Variants in FLNC observed in about 807,000 individuals in gnomAD.
The protein encoded by FLNC is filamin C.
A neutral mutation model predicts 254.3 loss-of-function variants in FLNC; 91 were observed. The ratio of observed to expected loss-of-function variants is 0.36; its 90% CI spans 0.30 to 0.43. FLNC has a LOEUF of 0.43. Among genes scored for constraint, FLNC ranks in the 20% least tolerant of loss-of-function variants. The pLI, the probability that FLNC is intolerant of heterozygous loss-of-function variation, is 1.00. For synonymous variants in FLNC, 1,430 were observed against 1,577.2 expected (o/e 0.91, Z 2.21); for missense variants, 2,853 against 3,802.6 (o/e 0.75, Z 6.57).
At position 128,835,178 on chromosome 7, in the gene FLNC, C is replaced by A; in HGVS notation, c.353-148C>A. ...TAAAGAACTTGGCATCTGAGTGGGGCCTCGCAGGAGGGAGAGGGTCAGGTA... is the reference window on the plus strand; with the variant it reads ...TAAAGAACTTGGCATCTGAGTGGGGACTCGCAGGAGGGAGAGGGTCAGGTA... On this transcript the variant is annotated intron_variant, in intron 1 of 47. Transcript: ENST00000325888. This position sits in a 1 kb window ranked among gnomAD's most constrained non-coding sequence, Gnocchi z 5.3. 1.0e-6 allele frequency: 1 copy of A among 989,216 alleles called. No individual in the cohort carries two copies. The highest frequency in any genetic ancestry group is 1.5e-6 in the Non-Finnish European group (1 of 648,854). 61.3% of individuals were successfully genotyped at this position (989,216 alleles called of 1,614,324 possible).
In FLNC at chr7:128,854,039, A is replaced by C; in HGVS notation, c.6550A>C (p.Thr2184Pro). 6.2e-7 allele frequency: 1 copy of C among 1,613,282 alleles called. No individual in the cohort carries two copies. The highest frequency in any genetic ancestry group is 1.3e-5 in the African/African-American group (1 of 75,058). Residue 2184 changes from threonine (T) to proline (P), a missense_variant, in exon 40 of 48, where the codon ACC (threonine) becomes CCC (proline). This residue lies in a region of FLNC where 551 missense variants were observed against 835.0 expected (regional missense o/e 0.66). Transcript: ENST00000325888. Reference sequence around the variant, plus strand: ...ACGCACCTTCACACGCAGCAGCCACACCTACACCCGCACGGAGCGCACGGA... The same window carrying C: ...ACGCACCTTCACACGCAGCAGCCACCCCTACACCCGCACGGAGCGCACGGA... ...LTRTFTRSSH[T>P]YTRTERTEIS...
At chr7:128,837,113 G>A (rs756511961) in intron 2 of FLNC, 47 bp from the exon 3 acceptor site, 2 of 1,318,158 alleles carry the variant, frequency 1.5e-6, no homozygotes, top group East Asian at 4.9e-5. Context: ...CTGCATCCTG[G>A]CCGGCTGGCT....
At position 128,846,369 on chromosome 7, in the gene FLNC, A is replaced by G. The variant is rs1419469574; in HGVS notation, c.4033A>G (p.Thr1345Ala). The G allele has an allele frequency of 6.2e-7, 1 of 1,612,838 alleles. No individual in the cohort carries two copies. The highest frequency in any genetic ancestry group is 8.5e-7 in the Non-Finnish European group (1 of 1,180,010). The stretch of plus-strand genomic sequence containing the variant: ...CAAGAGCCCCTTCCGAGTGGGCGTG[A>G]CCGAGGGCTGTGATCCCACCCGCGT... ...VPKSPFRVGV[T>A]EGCDPTRVRA... The change falls in exon 23 of 48, where the codon ACC (threonine) becomes GCC (alanine). Residue 1345 changes from threonine (T) to alanine (A), a missense_variant. By Grantham distance (58) the Thr-to-Ala change is moderately conservative. Around this residue, in one of 10 missense-constraint regions of FLNC, gnomAD observed 1,573 missense variants for 1,883.5 expected, o/e 0.84. Coordinates refer to ENST00000325888, the MANE Select transcript of FLNC (RefSeq NM_001458.5).
At chr7:128,839,019 C>T (rs1395049485) in intron 8 of FLNC, among the ~76,000 whole-genome samples, 1 of 152,128 alleles carries the variant, frequency 6.6e-6, no homozygotes, top group African/African-American at 2.4e-5. Flanking sequence ...GCGGAAGTGA[C>T]GGGGCTGTAT....
Position 128,836,754 on chromosome 7 carries a change from GA to G in FLNC, c.602-405del, listed in dbSNP as rs1296371518. Among the ~76,000 whole-genome samples, 4 of 152,190 alleles carry G rather than the reference GA, an allele frequency of 2.6e-5. No individual in the cohort carries two copies. Among genetic ancestry groups the G allele is most frequent in the Non-Finnish European group, 5.9e-5 (4 of 68,036 alleles). On this transcript the variant is annotated intron_variant, in intron 2 of 47. Coordinates refer to ENST00000325888, the MANE Select transcript of FLNC (RefSeq NM_001458.5). This position sits in a 1 kb window ranked among gnomAD's most constrained non-coding sequence, Gnocchi z 6.0. ...AGCTGTGAGGAGGCCTTCTAGGGGG[GA>G]TGGGTCAGGGGCATATGTGGGACAG...
intron 23 of FLNC, 77 bp from the exon 24 acceptor site, chr7:128,846,668 C>T: frequency 6.7e-7 from 1 of 1,483,112 alleles, no homozygotes; most frequent in Non-Finnish European, 9.2e-7. Flanking sequence ...CTCTTTCCTC[C>T]CTGTCCCCCC....
Position 128,856,375 on chromosome 7 carries a change from G to A in FLNC, c.7252-143G>A. The A allele has an allele frequency of 9.8e-7, 1 of 1,024,914 alleles. No homozygotes were observed. The highest frequency in any genetic ancestry group is 1.4e-5 in the South Asian group (1 of 73,254). The allele number at this position is 1,024,914 out of a possible 1,614,324, so 63.5% of individuals were successfully genotyped here. On this transcript the variant is annotated intron_variant, in intron 43 of 47. Coordinates refer to ENST00000325888, the MANE Select transcript of FLNC (RefSeq NM_001458.5). This position sits in a 1 kb window ranked among gnomAD's most constrained non-coding sequence, Gnocchi z 5.9. ...CCTGGCTCCTCCTGCTCCCAGGCTGGGCTGGCAGGCAGGGGCCAGGCTGGG... is the reference window on the plus strand; with the variant it reads ...CCTGGCTCCTCCTGCTCCCAGGCTGAGCTGGCAGGCAGGGGCCAGGCTGGG...
chr7:128,838,723 T>C lies in FLNC; in HGVS notation c.1331T>C (p.Met444Thr). ...TTCCGCTGCACATACAGACCTGCCA[T>C]GGAGGGGCCACATACCGTGCATGTG... ...STFRCTYRPA[M>T]EGPHTVHVAF... is the part of the protein sequence containing the mutation. The change falls in exon 8 of 48, where the codon ATG (methionine) becomes ACG (threonine). Residue 444 changes from methionine (M) to threonine (T), a missense_variant. Coordinates refer to ENST00000325888, the MANE Select transcript of FLNC (RefSeq NM_001458.5). The C allele has an allele frequency of 3.7e-6, 6 of 1,613,006 alleles. No individual in the cohort carries two copies. Among genetic ancestry groups the C allele is most frequent in the Admixed American group, 1.7e-5 (1 of 60,028 alleles).
chr7:128,841,350 G>A lies in FLNC; in HGVS notation c.1994G>A (p.Cys665Tyr). Residue 665 changes from cysteine (C) to tyrosine (Y), a missense_variant, in exon 12 of 48, where the codon TGC (cysteine) becomes TAC (tyrosine). Cys to Tyr is a radical substitution (Grantham distance 194). Transcript: ENST00000325888. The surrounding 1 kb of genome is among the most constrained non-coding windows in gnomAD (Gnocchi z 4.3). ...IAHILPAPPD[C>Y]FPDKVKAFGP... ...CACATCCTGCCCGCCCCACCTGACT[G>A]CTTCCCAGATAAGGTGTGGTCCCAG... 1 of 1,613,958 alleles carries A rather than the reference G, an allele frequency of 6.2e-7. No individual in the cohort carries two copies. Among genetic ancestry groups the A allele is most frequent in the Non-Finnish European group, 8.5e-7 (1 of 1,179,984 alleles).
Position 128,842,512 on chromosome 7 carries a change from G to A in FLNC, c.2266-63G>A, listed in dbSNP as rs1020737431. The stretch of plus-strand genomic sequence containing the variant: ...TGGTGCCACTGAGGCTGGGCCGGGT[G>A]CGCTGGGCAGGAGGATGAGCCTTGA... On this transcript the variant is annotated intron_variant, in intron 14 of 47. Transcript: ENST00000325888. This position sits in a 1 kb window ranked among gnomAD's most constrained non-coding sequence, Gnocchi z 5.4. 1.3e-6 allele frequency: 2 copies of A among 1,552,840 alleles called. No individual in the cohort carries two copies. Among genetic ancestry groups the A allele is most frequent in the African/African-American group, 1.4e-5 (1 of 73,264 alleles).
chr7:128,833,733 G>A (rs553201254), intron 1 of FLNC, among the ~76,000 whole-genome samples: 14 of 152,234 alleles, frequency 9.2e-5, no homozygotes, highest in Non-Finnish European at 1.5e-4. Flanking sequence ...TGAGAGGCTG[G>A]GGGCACTGGG....
At chr7:128,850,538 G>A in intron 32 of FLNC, 55 bp downstream of exon 32, 2 of 1,423,980 alleles carry the variant, frequency 1.4e-6, no homozygotes, top group Non-Finnish European at 2.0e-6. Context: ...CCTCTTCCAG[G>A]CCCAGTCCTG....
At position 128,847,745 on chromosome 7, in the gene FLNC, T is replaced by A; in HGVS notation, c.4337T>A (p.Val1446Glu). ...PVKDVVDPGK[V>E]KCSGPGLGAG... is the part of the protein sequence containing the mutation. Reference sequence around the variant, plus strand: ...AAGGATGTGGTGGACCCTGGGAAGGTGAAGTGCTCAGGGCCAGGGCTGGGG... The same window carrying A: ...AAGGATGTGGTGGACCCTGGGAAGGAGAAGTGCTCAGGGCCAGGGCTGGGG... The change falls in exon 25 of 48, where the codon GTG becomes GAG. Residue 1446 changes from valine (V) to glutamate (E), a missense_variant. Val to Glu is a moderately radical substitution (Grantham distance 121). Around this residue, in one of 10 missense-constraint regions of FLNC, gnomAD observed 1,573 missense variants for 1,883.5 expected, o/e 0.84. Coordinates refer to ENST00000325888, the MANE Select transcript of FLNC (RefSeq NM_001458.5). 6.2e-7 allele frequency: 1 copy of A among 1,614,024 alleles called. No individual in the cohort carries two copies. Among genetic ancestry groups the A allele is most frequent in the Non-Finnish European group, 8.5e-7 (1 of 1,179,982 alleles).
chr7:128,833,919 G>A (rs950425219), intron 1 of FLNC, among the ~76,000 whole-genome samples: 3 of 152,178 alleles, frequency 2.0e-5, no homozygotes. Flanking sequence ...CAGTGACAGG[G>A]TGGGGGAGCC....
At position 128,856,724 on chromosome 7, in the gene FLNC, C is replaced by G. The variant is rs1178558488; in HGVS notation, c.7385-21C>G. The G allele has an allele frequency of 2.2e-5, 35 of 1,613,972 alleles. No individual in the cohort carries two copies. Among genetic ancestry groups the G allele is most frequent in the Admixed American group, 5.0e-5 (3 of 60,010 alleles). On this transcript the variant is annotated intron_variant, in intron 44 of 47. Coordinates refer to ENST00000325888, the MANE Select transcript of FLNC (RefSeq NM_001458.5). This position sits in a 1 kb window ranked among gnomAD's most constrained non-coding sequence, Gnocchi z 5.9. ...GGGGAGGGGAAGGATGGAGGCTAAG[C>G]CACCAACCCTTTATCCACAGACAAG... is the stretch of plus-strand genomic sequence containing the variant.
At position 128,830,836 on chromosome 7, in the gene FLNC, G is replaced by A; in HGVS notation, c.199G>A (p.Gly67Arg). 6.2e-7 allele frequency: 1 copy of A among 1,613,074 alleles called. No individual in the cohort carries two copies. The highest frequency in any genetic ancestry group is 8.5e-7 in the Non-Finnish European group (1 of 1,179,944). Residue 67 changes from glycine (G) to arginine (R), a missense_variant, in exon 1 of 48, where the codon GGG (glycine) becomes AGG (arginine). Transcript: ENST00000325888. ...LTDLQRDLSD[G>R]LRLIALLEVL... is the part of the protein sequence containing the mutation. ...CGACCTGCAGCGCGACCTCAGCGACGGGCTCCGGCTCATCGCGCTGCTCGA... is the reference window on the plus strand; with the variant it reads ...CGACCTGCAGCGCGACCTCAGCGACAGGCTCCGGCTCATCGCGCTGCTCGA...
chr7:128,844,932 G>A lies in FLNC; in HGVS notation c.3467G>A (p.Ser1156Asn), dbSNP rs768725458. Residue 1156 changes from serine to asparagine, a missense_variant, in exon 21 of 48, where the codon AGC (serine) becomes AAC (asparagine). This residue lies in a region of FLNC where 1,573 missense variants were observed against 1,883.5 expected (regional missense o/e 0.84). Transcript: ENST00000325888. ...KATIRPVFDPSKVRASGPGLE... is the reference protein window; with the variant it reads ...KATIRPVFDPNKVRASGPGLE... ...ACCATTCGGCCTGTGTTTGACCCGA[G>A]CAAGGTGCGGGCCAGTGGACCGGGC... 1.2e-5 allele frequency: 20 copies of A among 1,613,758 alleles called. No homozygotes were observed. The highest frequency in any genetic ancestry group is 1.5e-5 in the Non-Finnish European group (18 of 1,180,042).
chr7:128,843,674 G>C, intron 18 of FLNC, 97 bp downstream of exon 18: 1 of 1,502,494 alleles, frequency 6.7e-7, no homozygotes, highest in Non-Finnish European at 9.3e-7. Context: ...GATCCTCCAC[G>C]CCTTTCCTGC....
Position 128,858,098 on chromosome 7 carries a change from G to C in FLNC, c.7871G>C (p.Ser2624Thr). Residue 2624 changes from serine (S) to threonine (T), a missense_variant, in exon 47 of 48, where the codon AGC becomes ACC. By Grantham distance (58) the Ser-to-Thr change is moderately conservative (BLOSUM62 1). Transcript: ENST00000325888. This position sits in a 1 kb window ranked among gnomAD's most constrained non-coding sequence, Gnocchi z 6.7. ...AAGTCCTCCTCAAGCCGGGGCTCCA[G>C]CTACAGCTCCATCCCCAAGTTCTCC... ...VTKSSSSRGS[S>T]YSSIPKFSSD... 6.2e-7 allele frequency: 1 copy of C among 1,613,634 alleles called. No homozygotes were observed. The highest frequency in any genetic ancestry group is 8.5e-7 in the Non-Finnish European group (1 of 1,179,822).
Sources: gnomAD v4.1 joint callset for allele counts (sites outside exome capture counted in the v4.1 genomes callset) on GRCh38, gnomAD v4.1.1 for gene constraint, gnomAD v4.1.1 regional missense constraint, Gnocchi (gnomAD v3.1) non-coding constraint, MANE v1.5 for transcripts, NCBI Gene and HGNC (gene_info 2026-07-23, HGNC 2026-07-21) for gene names.